Variants in COL21A1 observed in about 807,000 individuals in gnomAD.
The protein encoded by COL21A1 is collagen alpha-1(XXI) chain.
In COL21A1, 149 loss-of-function variants were observed where a neutral mutation model predicts 137.9. The ratio of observed to expected loss-of-function variants is 1.08; its 90% CI spans 0.95 to 1.24. The LOEUF (loss-of-function observed/expected upper bound fraction) is 1.24, where lower values mean the gene tolerates loss of function less well. Ranked by LOEUF, COL21A1 falls within the 50% of genes most tolerant of loss-of-function variation. The pLI is 0.00. For missense variants in COL21A1, 1,167 were observed against 1,158.4 expected (o/e 1.01, Z -0.11); for synonymous variants, 456 against 391.5 (o/e 1.16, Z -1.95).
Position 56,213,948 on chromosome 6 carries a change from G to T in COL21A1, c.-38-31292C>A, listed in dbSNP as rs142288544. Among the ~76,000 whole-genome samples, 1,426 of 152,032 alleles carry T rather than the reference G, an allele frequency of 9.4e-3. 23 individuals carry two copies. The highest frequency in any genetic ancestry group is 0.031 in the African/African-American group (1,287 of 41,492). ...CAATTGTGACTGGAGGGTGACCCAA[G>T]TATTTAAAAATAAAAAACAAAAATA... On this transcript the variant is annotated intron_variant, in intron 1 of 29. Coordinates refer to ENST00000244728, the MANE Select transcript of COL21A1 (RefSeq NM_030820.4).
intron 12 of COL21A1, among the ~76,000 whole-genome samples, chr6:56,140,242 A>T (rs1417444595): frequency 6.6e-6 from 1 of 152,208 alleles, no homozygotes; most frequent in African/African-American, 2.4e-5. Flanking sequence ...AAAGCATGTA[A>T]TAAAATTAGT....
At chr6:56,100,829 C>T (rs1371789519) in intron 17 of COL21A1, among the ~76,000 whole-genome samples, 6 of 152,160 alleles carry the variant, frequency 3.9e-5, no homozygotes, top group African/African-American at 2.4e-5. Flanking sequence ...CAACTGAACA[C>T]TTTGTGATAA....
chr6:56,250,456 A>G (rs192779117), upstream of COL21A1, among the ~76,000 whole-genome samples: 496 of 152,358 alleles, frequency 3.3e-3, 1 homozygote, highest in Middle Eastern at 0.017. Context: ...AACAGTGAGC[A>G]GCCTCTAGGA....
chr6:56,326,392 G>A (rs956304514), intron 1 of COL21A1, among the ~76,000 whole-genome samples: 1 of 151,680 alleles, frequency 6.6e-6, no homozygotes, highest in African/African-American at 2.4e-5. Context: ...AAAATGTATT[G>A]AGTTAGAAGC....
At chr6:56,166,275 T>C (rs1432053869) in intron 7 of COL21A1, among the ~76,000 whole-genome samples, 1 of 152,170 alleles carries the variant, frequency 6.6e-6, no homozygotes, top group African/African-American at 2.4e-5. Context: ...ACACTGACAT[T>C]CAAAGCATCC....
chr6:56,253,154 C>T (rs896418974), intron 1 of COL21A1, among the ~76,000 whole-genome samples: 7 of 152,154 alleles, frequency 4.6e-5, no homozygotes, highest in African/African-American at 1.7e-4. Context: ...AATTCATAGC[C>T]CTACCCTGAA....
chr6:56,200,352 C>T (rs1032873494), intron 1 of COL21A1, among the ~76,000 whole-genome samples: 13 of 151,874 alleles, frequency 8.6e-5, no homozygotes, highest in African/African-American at 2.2e-4. Context: ...ATGTGCACAA[C>T]GTGCAGGTTG....
chr6:56,302,060 A>T (rs1016860114), intron 1 of COL21A1, among the ~76,000 whole-genome samples: 6 of 151,978 alleles, frequency 3.9e-5, no homozygotes, highest in African/African-American at 1.4e-4. Flanking sequence ...ACATGAACTC[A>T]TCATTTTTTA....
chr6:56,227,219 A>C (rs1781264604), intron 1 of COL21A1, among the ~76,000 whole-genome samples: 1 of 152,060 alleles, frequency 6.6e-6, no homozygotes, highest in African/African-American at 2.4e-5. Flanking sequence ...TCTATGCTGT[A>C]TAATAGAAAC....
At chr6:56,100,380 T>C (rs988515086) in intron 17 of COL21A1, among the ~76,000 whole-genome samples, 1 of 152,328 alleles carries the variant, frequency 6.6e-6, no homozygotes, top group Admixed American at 6.5e-5. Context: ...GCAATGTTTT[T>C]ACAATTTTTA....
intron 1 of COL21A1, among the ~76,000 whole-genome samples, chr6:56,286,404 T>C (rs1319077337): frequency 6.6e-6 from 1 of 152,162 alleles, no homozygotes; most frequent in Non-Finnish European, 1.5e-5. Context: ...CATATACAGA[T>C]ACACGTACAC....
chr6:56,361,691 G>C (rs1025904030), intron 1 of COL21A1, among the ~76,000 whole-genome samples: 10 of 138,266 alleles, frequency 7.2e-5, no homozygotes, highest in Admixed American at 4.1e-4. Context: ...AAAGATCCAA[G>C]CATAAAAAAA....
chr6:56,273,807 A>G (rs1189791226), intron 1 of COL21A1, among the ~76,000 whole-genome samples: 2 of 152,286 alleles, frequency 1.3e-5, no homozygotes, highest in East Asian at 1.9e-4. Flanking sequence ...ACTGGTACCA[A>G]TCATACTGAA....
chr6:56,316,292 T>G (rs1764732853), intron 1 of COL21A1, among the ~76,000 whole-genome samples: 1 of 152,128 alleles, frequency 6.6e-6, no homozygotes. Flanking sequence ...ATCATTATGA[T>G]GTGCACAGAT....
At chr6:56,149,156 C>T (rs1775083938) in intron 10 of COL21A1, among the ~76,000 whole-genome samples, 1 of 152,102 alleles carries the variant, frequency 6.6e-6, no homozygotes, top group South Asian at 2.1e-4. Context: ...TCTAAGTTCT[C>T]CAAATCTTTT....
At chr6:56,308,448 A>T (rs1022806673) in intron 1 of COL21A1, among the ~76,000 whole-genome samples, 1 of 152,260 alleles carries the variant, frequency 6.6e-6, no homozygotes, top group East Asian at 1.9e-4. Context: ...AACCTTGAGT[A>T]CATTATACTA....
At chr6:56,166,424 G>T (rs900443771) in intron 7 of COL21A1, among the ~76,000 whole-genome samples, 1 of 152,024 alleles carries the variant, frequency 6.6e-6, no homozygotes, top group African/African-American at 2.4e-5. Context: ...GGCTTAGGCC[G>T]GCGAATCACC....
At chr6:56,155,996 C>T (rs1285569945) in intron 10 of COL21A1, among the ~76,000 whole-genome samples, 4 of 152,188 alleles carry the variant, frequency 2.6e-5, no homozygotes, top group African/African-American at 9.7e-5. Flanking sequence ...GATTTATGTT[C>T]CCTTTACATC....
chr6:56,329,906 TC>T (rs1387485484), intron 1 of COL21A1, among the ~76,000 whole-genome samples: 3 of 152,134 alleles, frequency 2.0e-5, no homozygotes, highest in African/African-American at 7.2e-5. Flanking sequence ...GTTAATTTTC[TC>T]CAAGGATAGA....
Sources: gnomAD v4.1 joint callset for allele counts (sites outside exome capture counted in the v4.1 genomes callset) on GRCh38, gnomAD v4.1.1 for gene constraint, MANE v1.5 for transcripts, NCBI Gene and HGNC (gene_info 2026-07-23, HGNC 2026-07-21) for gene names.